Variants in PSMD14 observed in about 807,000 individuals in gnomAD.
The protein encoded by PSMD14 is proteasome 26S subunit, non-ATPase 14.
PSMD14 carries 7 observed loss-of-function variants against 41.2 expected under a neutral mutation model. The ratio of observed to expected loss-of-function variants is 0.17; its 90% CI spans 0.10 to 0.32. PSMD14 has a LOEUF of 0.32. Among genes scored for constraint, PSMD14 ranks in the 10% least tolerant of loss-of-function variants. The pLI is 1.00. For synonymous variants in PSMD14, 114 were observed against 122.3 expected, an observed-to-expected ratio of 0.93 and a Z score of 0.45; for missense variants, 139 against 375.6, an observed-to-expected ratio of 0.37 and a Z score of 5.21.
chr2:161,364,447 C>T (rs1386817360), intron 3 of PSMD14, among the ~76,000 whole-genome samples: 3 of 152,112 alleles, frequency 2.0e-5, no homozygotes, highest in Admixed American at 2.0e-4. Context: ...CACCTAGGTC[C>T]ATGAGCGCAG....
chr2:161,314,129 C>G (rs866762940), intron 1 of PSMD14, among the ~76,000 whole-genome samples: 1 of 152,276 alleles, frequency 6.6e-6, no homozygotes, highest in African/African-American at 2.4e-5. Context: ...TAGAATTAGT[C>G]CAATGATTTT....
At chr2:161,337,129 G>A (rs1682882837) in intron 3 of PSMD14, among the ~76,000 whole-genome samples, 1 of 152,212 alleles carries the variant, frequency 6.6e-6, no homozygotes, top group African/African-American at 2.4e-5. Context: ...GTATCTGTAT[G>A]AGCAAGAGGG....
At chr2:161,374,797 A>G (rs1319338104) in intron 7 of PSMD14, among the ~76,000 whole-genome samples, 1 of 151,994 alleles carries the variant, frequency 6.6e-6, no homozygotes, top group Non-Finnish European at 1.5e-5. Context: ...TGAGGCAAAA[A>G]GAATGGTCAC....
rs114435389 is a variant in PSMD14 at position 161,333,674 on chromosome 2, C to T, written c.48+14801C>T. Among the ~76,000 whole-genome samples the T allele has an allele frequency of 4.7e-3, 716 of 152,308 alleles. 2 individuals carry two copies. The highest frequency in any genetic ancestry group is 0.01 in the Middle Eastern group (3 of 294). ...GTAGATCACAATTTAGCATCATTCCCAGACCCTTCAACCTCCTCAAGTGGA... is the reference window on the plus strand; with the variant it reads ...GTAGATCACAATTTAGCATCATTCCTAGACCCTTCAACCTCCTCAAGTGGA... On this transcript the variant is annotated intron_variant, in intron 3 of 11. Coordinates refer to ENST00000409682, the MANE Select transcript of PSMD14 (RefSeq NM_005805.6).
chr2:161,334,389 C>A (rs185948599), intron 3 of PSMD14, among the ~76,000 whole-genome samples: 1 of 152,230 alleles, frequency 6.6e-6, no homozygotes, highest in East Asian at 1.9e-4. Context: ...GCCACAGTGT[C>A]TTTTTTGTTC....
At chr2:161,397,008 T>C (rs1683808533) in intron 10 of PSMD14, among the ~76,000 whole-genome samples, 1 of 152,128 alleles carries the variant, frequency 6.6e-6, no homozygotes, top group Non-Finnish European at 1.5e-5. Context: ...TTATATCTTT[T>C]AGTAGAGACG....
At chr2:161,386,046 A>G (rs960021418) in intron 8 of PSMD14, among the ~76,000 whole-genome samples, 2 of 151,852 alleles carry the variant, frequency 1.3e-5, no homozygotes, top group Non-Finnish European at 2.9e-5. Flanking sequence ...TAAATCCTAT[A>G]AAAGACATCC....
chr2:161,411,235 A>G, intron 11 of PSMD14, 67 bp from the exon 12 acceptor site: 2 of 1,082,524 alleles, frequency 1.8e-6, no homozygotes, highest in Non-Finnish European at 1.3e-6. Flanking sequence ...CTACTGAAAA[A>G]AATTTAAGTA....
intron 3 of PSMD14, among the ~76,000 whole-genome samples, chr2:161,323,079 A>G (rs906858170): frequency 6.6e-6 from 1 of 152,162 alleles, no homozygotes; most frequent in African/African-American, 2.4e-5. Flanking sequence ...ATTTATTTCT[A>G]GAATTCCTGA....
intron 3 of PSMD14, among the ~76,000 whole-genome samples, chr2:161,330,445 A>T (rs932045608): frequency 6.6e-6 from 1 of 152,206 alleles, no homozygotes; most frequent in Non-Finnish European, 1.5e-5. Context: ...ACATTGTTTT[A>T]CACATTTGAT....
At chr2:161,409,015 C>A in intron 11 of PSMD14, 116 bp downstream of exon 11, 1 of 726,230 alleles carries the variant, frequency 1.4e-6, no homozygotes, top group Non-Finnish European at 2.2e-6. Flanking sequence ...TTTCTTCTGT[C>A]ATGTAAATGT....
chr2:161,351,820 T>C (rs999810902), intron 3 of PSMD14, among the ~76,000 whole-genome samples: 4 of 152,176 alleles, frequency 2.6e-5, no homozygotes, highest in African/African-American at 9.6e-5. Flanking sequence ...AAAGCTTTGA[T>C]TGAAAGTGAC....
intron 7 of PSMD14, among the ~76,000 whole-genome samples, chr2:161,372,564 T>C (rs1397027142): frequency 6.6e-6 from 1 of 152,036 alleles, no homozygotes. Context: ...TAGAAACTGA[T>C]ATACTAGACC....
chr2:161,368,027 T>G, intron 5 of PSMD14, 124 bp downstream of exon 5: 1 of 1,172,616 alleles, frequency 8.5e-7, no homozygotes, highest in South Asian at 1.8e-5. Flanking sequence ...AATCATAAGT[T>G]TGATAGAAAT....
intron 3 of PSMD14, among the ~76,000 whole-genome samples, chr2:161,340,660 G>C (rs1372766620): frequency 1.3e-5 from 2 of 152,090 alleles, no homozygotes; most frequent in African/African-American, 4.8e-5. Flanking sequence ...CAAGGGACAA[G>C]TCCTGATTGA....
intron 3 of PSMD14, among the ~76,000 whole-genome samples, chr2:161,327,080 TA>T (rs1682710190): frequency 6.6e-6 from 1 of 152,100 alleles, no homozygotes; most frequent in Non-Finnish European, 1.5e-5. Context: ...TGAGTGAACC[TA>T]AAAGATATTT....
At position 161,318,829 on chromosome 2, in the gene PSMD14, G is replaced by A; in HGVS notation, c.4G>A (p.Asp2Asn). ...TTTGTTTCTGTTTTCTAGAAATATGGACAGACTTCTTAGACTTGGAGGAGG... is the reference window on the plus strand; with the variant it reads ...TTTGTTTCTGTTTTCTAGAAATATGAACAGACTTCTTAGACTTGGAGGAGG... The part of the protein sequence containing the change: M[D>N]RLLRLGGGMP... Residue 2 changes from aspartate to asparagine, a missense_variant, in exon 3 of 12, where the codon GAC (aspartate) becomes AAC (asparagine). Asp to Asn is a conservative substitution (Grantham distance 23). This residue lies in a region of PSMD14 where 24 missense variants were observed against 55.3 expected (regional missense o/e 0.43). Transcript: ENST00000409682. 6.2e-7 allele frequency: 1 copy of A among 1,612,778 alleles called. No homozygotes were observed. Among genetic ancestry groups the A allele is most frequent in the East Asian group, 2.2e-5 (1 of 44,804 alleles).
At chr2:161,311,171 T>C (rs10210533) in intron 1 of PSMD14, among the ~76,000 whole-genome samples, 94,517 of 151,922 alleles carry the variant, frequency 0.62, 30,377 homozygotes, top group Non-Finnish European at 0.7. Flanking sequence ...TAGCCGGGCA[T>C]GGGGGCGTGT....
At chr2:161,319,434 T>C (rs1467853054) in intron 3 of PSMD14, among the ~76,000 whole-genome samples, 1 of 152,156 alleles carries the variant, frequency 6.6e-6, no homozygotes, top group Non-Finnish European at 1.5e-5. Flanking sequence ...TTTATCTTGT[T>C]CCATTTGCTG....
Sources: allele counts gnomAD v4.1 joint callset (sites outside exome capture counted in the v4.1 genomes callset), GRCh38; gene constraint gnomAD v4.1.1; regional missense constraint gnomAD v4.1.1; transcripts MANE v1.5; gene names NCBI Gene and HGNC (gene_info 2026-07-23, HGNC 2026-07-21).